The following GPR158 variants were observed in gnomAD, a reference collection of about 807,000 sequenced individuals.
GPR158 encodes metabotropic glycine receptor.
GPR158 carries 30 observed loss-of-function variants against 78.2 expected under a neutral mutation model. The observed-to-expected ratio is 0.38, with a 90% CI of 0.29 to 0.52. GPR158 has a LOEUF of 0.52. GPR158 is among the 20% of genes least tolerant of loss of function. The pLI is 0.83. For missense variants in GPR158, 1,463 were observed against 1,523.5 expected, an observed-to-expected ratio of 0.96 and a Z score of 0.66; for synonymous variants, 581 against 591.1, an observed-to-expected ratio of 0.98 and a Z score of 0.25.
chr10:25,429,021 T>C (rs1418129), intron 4 of GPR158, among the ~76,000 whole-genome samples: 106,245 of 151,788 alleles, frequency 0.7, 38,190 homozygotes, highest in Non-Finnish European at 0.8. Flanking sequence ...GCATGGCCAA[T>C]GGAACTGTTC....
At position 25,451,282 on chromosome 10, in the gene GPR158, A is replaced by G. The variant is rs187538207; in HGVS notation, c.1336-15369A>G. Among the ~76,000 whole-genome samples the G allele has an allele frequency of 2.3e-4, 35 of 152,304 alleles. 1 individual carries two copies. The highest frequency in any genetic ancestry group is 2.0e-3 in the Admixed American group (30 of 15,294). On this transcript the variant is annotated intron_variant, in intron 4 of 10. Coordinates refer to ENST00000376351, the MANE Select transcript of GPR158 (RefSeq NM_020752.3). ...AAAGGATTCATCAGTGTGTATTTCCATTAGCATGAAATTGCCCACTTCTTA... is the reference window on the plus strand; with the variant it reads ...AAAGGATTCATCAGTGTGTATTTCCGTTAGCATGAAATTGCCCACTTCTTA...
intron 5 of GPR158, among the ~76,000 whole-genome samples, chr10:25,511,983 TTC>T (rs1836092841): frequency 6.6e-6 from 1 of 152,154 alleles, no homozygotes; most frequent in Non-Finnish European, 1.5e-5. Context: ...TCCATATTTG[TTC>T]TCTTTGCTTA....
At chr10:25,441,939 G>A (rs1018653617) in intron 4 of GPR158, among the ~76,000 whole-genome samples, 3 of 152,186 alleles carry the variant, frequency 2.0e-5, no homozygotes, top group African/African-American at 4.8e-5. Context: ...ACAATGGAAC[G>A]TGAATGGAGA....
intron 5 of GPR158, among the ~76,000 whole-genome samples, chr10:25,471,101 CT>C: frequency 6.6e-6 from 1 of 151,232 alleles, no homozygotes; most frequent in African/African-American, 2.4e-5. Context: ...AATGCTATCC[CT>C]TGCCCCTCCC....
At chr10:25,583,456 C>T (rs1837229302) in intron 7 of GPR158, among the ~76,000 whole-genome samples, 2 of 152,108 alleles carry the variant, frequency 1.3e-5, no homozygotes, top group Admixed American at 6.6e-5. Context: ...CAGATAACCA[C>T]CCAGAATATC....
chr10:25,409,315 A>G (rs567972765), intron 3 of GPR158, among the ~76,000 whole-genome samples: 5 of 152,326 alleles, frequency 3.3e-5, no homozygotes, highest in South Asian at 4.1e-4. Context: ...ATCACAAACT[A>G]TCTTGACTAT....
At chr10:25,536,198 A>T (rs1477834719) in intron 5 of GPR158, among the ~76,000 whole-genome samples, 1 of 152,118 alleles carries the variant, frequency 6.6e-6, no homozygotes, top group Non-Finnish European at 1.5e-5. Context: ...TTCAATTTTT[A>T]TTGAAGAATA....
At chr10:25,230,736 A>G (rs1232811179) in intron 2 of GPR158, among the ~76,000 whole-genome samples, 3 of 152,204 alleles carry the variant, frequency 2.0e-5, no homozygotes, top group Non-Finnish European at 4.4e-5. Flanking sequence ...GGAACTTTTT[A>G]ATAATCAGAT....
chr10:25,587,322 T>TA (rs1837281597), intron 7 of GPR158, among the ~76,000 whole-genome samples: 2 of 152,224 alleles, frequency 1.3e-5, no homozygotes, highest in South Asian at 4.1e-4. Context: ...AAACCACAAA[T>TA]ATCAGTTCTG....
intron 1 of GPR158, among the ~76,000 whole-genome samples, chr10:25,191,773 A>G (rs1056833715): frequency 2.6e-5 from 4 of 152,174 alleles, no homozygotes; most frequent in Non-Finnish European, 4.4e-5. Context: ...AATGTCTGGA[A>G]GGTGCTTTAT....
At chr10:25,188,056 C>A (rs901362820) in intron 1 of GPR158, among the ~76,000 whole-genome samples, 6 of 152,202 alleles carry the variant, frequency 3.9e-5, no homozygotes, top group African/African-American at 1.4e-4. Context: ...GAATAAAATA[C>A]CTAGGAATCC....
chr10:25,386,799 G>T (rs1402528215), intron 2 of GPR158, among the ~76,000 whole-genome samples: 1 of 151,862 alleles, frequency 6.6e-6, no homozygotes, highest in Admixed American at 6.6e-5. Context: ...ACCAATTTTG[G>T]CATGTTGATT....
At chr10:25,586,263 A>G (rs575570382) in intron 7 of GPR158, among the ~76,000 whole-genome samples, 3 of 152,172 alleles carry the variant, frequency 2.0e-5, no homozygotes, top group Non-Finnish European at 4.4e-5. Context: ...GCAAGAATAA[A>G]TAAATAAAGT....
At chr10:25,441,825 A>G (rs1166391419) in intron 4 of GPR158, among the ~76,000 whole-genome samples, 1 of 152,198 alleles carries the variant, frequency 6.6e-6, no homozygotes, top group Non-Finnish European at 1.5e-5. Context: ...CATAGACACT[A>G]CAACTTTAAA....
chr10:25,343,644 T>G (rs954290487), intron 2 of GPR158, among the ~76,000 whole-genome samples: 3 of 152,012 alleles, frequency 2.0e-5, no homozygotes, highest in Non-Finnish European at 2.9e-5. Context: ...AAACTGTTCT[T>G]GGACTTAATC....
rs9919419 is a variant in GPR158 at position 25,543,339 on chromosome 10, T to C, written c.1405-7637T>C. ...TTTCACCATGTTGGCCAGGCTAGTC[T>C]CAAACCCCTGACCTCAAGTGATCCA... On this transcript the variant is annotated intron_variant, in intron 5 of 10. Transcript: ENST00000376351. Among the ~76,000 whole-genome samples, 894 of 152,264 alleles carry C rather than the reference T, an allele frequency of 5.9e-3. 11 individuals carry two copies. The highest frequency in any genetic ancestry group is 0.021 in the African/African-American group (868 of 41,552).
At chr10:25,422,645 G>T (rs1588855758) in intron 4 of GPR158, among the ~76,000 whole-genome samples, 1 of 114,682 alleles carries the variant, frequency 8.7e-6, no homozygotes, top group African/African-American at 2.8e-5. Flanking sequence ...AAAAAAATGT[G>T]ACATATACTC....
At chr10:25,280,284 T>C (rs1854249657) in intron 2 of GPR158, among the ~76,000 whole-genome samples, 1 of 152,142 alleles carries the variant, frequency 6.6e-6, no homozygotes, top group Non-Finnish European at 1.5e-5. Flanking sequence ...TGAAAAAAGA[T>C]ATGCCAGGAG....
At chr10:25,228,680 T>G (rs994135884) in intron 2 of GPR158, among the ~76,000 whole-genome samples, 9 of 152,242 alleles carry the variant, frequency 5.9e-5, no homozygotes, top group Admixed American at 2.0e-4. Context: ...TTTTTCCCCC[T>G]GAATGTGAGC....
Sources: gnomAD v4.1 joint callset for allele counts (sites outside exome capture counted in the v4.1 genomes callset) on GRCh38, gnomAD v4.1.1 for gene constraint, MANE v1.5 for transcripts, NCBI Gene and HGNC (gene_info 2026-07-23, HGNC 2026-07-21) for gene names.